The following MYOZ1 variants were observed in gnomAD, a reference collection of about 807,000 sequenced individuals.
The protein encoded by MYOZ1 is myozenin 1, also known as myozenin-1.
A neutral mutation model predicts 28.7 loss-of-function variants in MYOZ1; 20 were observed. That is an observed-to-expected ratio of 0.70 (90% confidence interval 0.49 to 1.01). The LOEUF (loss-of-function observed/expected upper bound fraction) is 1.01. Among genes scored for constraint, MYOZ1 ranks in the 50% least tolerant of loss-of-function variants. The probability of loss-of-function intolerance (pLI) is 0.00; values close to 1 mark genes in which losing one functional copy is unlikely to be tolerated. For missense variants in MYOZ1, 371 were observed against 372.4 expected (o/e 1.00, Z 0.03); for synonymous variants, 144 against 145.8 (o/e 0.99, Z 0.09).
At chr10:73,638,859 T>C (rs1011135117) in intron 2 of MYOZ1, among the ~76,000 whole-genome samples, 14 of 151,172 alleles carry the variant, frequency 9.3e-5, no homozygotes, top group Non-Finnish European at 1.9e-4. Flanking sequence ...AGAGACAGGG[T>C]TTCACCATGT....
chr10:73,635,190 C>T (rs1308869616), intron 3 of MYOZ1, among the ~76,000 whole-genome samples: 1 of 152,030 alleles, frequency 6.6e-6, no homozygotes, highest in African/African-American at 2.4e-5. Flanking sequence ...TCCCAAAGTG[C>T]CGGGATTACA....
At chr10:73,641,155 T>A (rs1055017662) in intron 1 of MYOZ1, among the ~76,000 whole-genome samples, 6 of 152,170 alleles carry the variant, frequency 3.9e-5, no homozygotes, top group Non-Finnish European at 8.8e-5. Context: ...AAAATACATC[T>A]GCAACTCTAC....
At position 73,631,817 on chromosome 10, in the gene MYOZ1, T is replaced by C. The variant is rs952630879; in HGVS notation, c.*113A>G. 2 of 911,180 alleles carry C rather than the reference T, an allele frequency of 2.2e-6. No individual in the cohort carries two copies. The highest frequency in any genetic ancestry group is 3.4e-6 in the Non-Finnish European group (2 of 591,036). 56.4% of individuals were successfully genotyped at this position (911,180 alleles called of 1,614,324 possible). On this transcript the variant is annotated 3_prime_UTR_variant, in exon 6 of 6. Coordinates refer to ENST00000359322, the MANE Select transcript of MYOZ1 (RefSeq NM_021245.4). ...GATGGAAAGGTAGATCTCTCCTTTT[T>C]CCCTCCATTCCCATAAGGATACTGG...
At chr10:73,635,192 G>A (rs951560623) in intron 3 of MYOZ1, among the ~76,000 whole-genome samples, 14 of 152,036 alleles carry the variant, frequency 9.2e-5, no homozygotes, top group Non-Finnish European at 1.5e-4. Flanking sequence ...CCAAAGTGCC[G>A]GGATTACAGG....
intron 3 of MYOZ1, among the ~76,000 whole-genome samples, chr10:73,636,610 C>T (rs1318393648): frequency 3.3e-5 from 5 of 152,112 alleles, no homozygotes; most frequent in Non-Finnish European, 5.9e-5. Flanking sequence ...TGTGCGCCAC[C>T]AGACCCAGCT....
chr10:73,638,867 T>C (rs2081685949), intron 2 of MYOZ1, among the ~76,000 whole-genome samples: 1 of 151,338 alleles, frequency 6.6e-6, no homozygotes, highest in African/African-American at 2.4e-5. Flanking sequence ...GGTTTCACCA[T>C]GTTGGCCGGG....
chr10:73,637,014 C>CTTTTTTT (rs1229338667), intron 3 of MYOZ1, among the ~76,000 whole-genome samples: 2 of 132,646 alleles, frequency 1.5e-5, no homozygotes, highest in African/African-American at 5.6e-5. Context: ...TTTTTTCTTT[C>CTTTTTTT]TTTTTTTTTT....
Position 73,633,891 on chromosome 10 carries a change from C to A in MYOZ1, c.668+9G>T. ...AGAATGCATCTGGTTCCTTCCTCAC[C>A]ACCCCTACCTGTTGAAGGACTTATA... On this transcript the variant is annotated intron_variant, in intron 5 of 5. Transcript: ENST00000359322. The A allele has an allele frequency of 6.3e-7, 1 of 1,595,646 alleles. No individual in the cohort carries two copies. Among genetic ancestry groups the A allele is most frequent in the South Asian group, 1.1e-5 (1 of 88,836 alleles).
At chr10:73,639,359 C>A (rs546957235) in intron 2 of MYOZ1, among the ~76,000 whole-genome samples, 9 of 151,898 alleles carry the variant, frequency 5.9e-5, no homozygotes, top group Admixed American at 1.3e-4. Context: ...TGAGTTCAAG[C>A]GATCCACCAG....
intron 3 of MYOZ1, among the ~76,000 whole-genome samples, chr10:73,636,590 G>A (rs548610025): frequency 1.3e-5 from 2 of 151,926 alleles, no homozygotes; most frequent in African/African-American, 2.4e-5. Flanking sequence ...AGAGTAGCTG[G>A]GATTACAGGT....
chr10:73,637,854 C>T lies in MYOZ1; in HGVS notation c.142G>A (p.Glu48Lys), dbSNP rs370065145. ...ISVPRDVMLE[E>K]LSLLTNRGSK... ...CCCCGGTTGGTAAGCAGCGACAGTT[C>T]CTCCAACATCACATCCCTTGGGACA... Residue 48 changes from glutamate (E) to lysine (K), a missense_variant, in exon 3 of 6, where the codon GAA becomes AAA. Physicochemically the swap from Glu to Lys is moderately conservative, Grantham distance 56 (BLOSUM62 1). Transcript: ENST00000359322. The T allele has an allele frequency of 9.9e-6, 16 of 1,614,106 alleles. No homozygotes were observed. The highest frequency in any genetic ancestry group is 1.3e-5 in the Non-Finnish European group (15 of 1,180,022).
chr10:73,640,231 C>T (rs183565371), intron 1 of MYOZ1, among the ~76,000 whole-genome samples, 196 bp from the exon 2 acceptor site: 1 of 152,218 alleles, frequency 6.6e-6, no homozygotes, highest in South Asian at 2.1e-4. Flanking sequence ...TCACTGCAGC[C>T]TCAACCTCCC....
chr10:73,634,591 T>C lies in MYOZ1; in HGVS notation c.395A>G (p.Gln132Arg), dbSNP rs1321196796. ...GSAGQYGSDQ[Q>R]HHLGSGSGAG... ...TCCAGACCCAGAGCCCAGATGGTGC[T>C]GCTGATCAGAGCCATACTGTCCGGC... The change falls in exon 4 of 6, where the codon CAG (glutamine) becomes CGG (arginine). Residue 132 changes from glutamine to arginine, a missense_variant. Transcript: ENST00000359322. The C allele has an allele frequency of 6.2e-7, 1 of 1,614,176 alleles. No individual in the cohort carries two copies. Among genetic ancestry groups the C allele is most frequent in the East Asian group, 2.2e-5 (1 of 44,870 alleles).
chr10:73,637,987 T>C, intron 2 of MYOZ1, 65 bp from the exon 3 acceptor site: 1 of 1,467,854 alleles, frequency 6.8e-7, no homozygotes, highest in Non-Finnish European at 9.3e-7. Context: ...GGGCTCAGAA[T>C]GCAGACCTCA....
At position 73,631,764 on chromosome 10, in the gene MYOZ1, A is replaced by G. The variant is rs2081636196; in HGVS notation, c.*166T>C. 4.8e-6 allele frequency: 3 copies of G among 624,912 alleles called. No individual in the cohort carries two copies. In the African/African-American group the frequency reaches 5.5e-5, roughly 12 times the overall value. 38.7% of individuals were successfully genotyped at this position (624,912 alleles called of 1,614,324 possible). On this transcript the variant is annotated 3_prime_UTR_variant, in exon 6 of 6. Transcript: ENST00000359322. ...GGGAGCTCTGAGTTGGTGAGGAAGG[A>G]TGCGTGGAGTGGGGACTTGGAGTAA...
intron 3 of MYOZ1, among the ~76,000 whole-genome samples, chr10:73,635,183 C>G (rs1256211352): frequency 6.6e-6 from 1 of 152,098 alleles, no homozygotes; most frequent in East Asian, 1.9e-4. Context: ...CTCGGCCTCC[C>G]AAAGTGCCGG....
chr10:73,637,943 A>G (rs2081677389), intron 2 of MYOZ1, 21 bp from the exon 3 acceptor site: 2 of 1,597,532 alleles, frequency 1.3e-6, no homozygotes, highest in African/African-American at 1.4e-5. Flanking sequence ...GGCAAAGAAG[A>G]AGAATCAAGG....
chr10:73,637,799 C>G lies in MYOZ1; in HGVS notation c.197G>C (p.Arg66Thr). Reference protein sequence around the residue: ...GSKMFKLRQMRVEKFIYENHP... With the variant: ...GSKMFKLRQMTVEKFIYENHP... ...GTTCTCATAAATAAACTTCTCCACC[C>G]TCATCTGCCGCAGTTTGAACATCTT... Residue 66 changes from arginine (R) to threonine (T), a missense_variant, in exon 3 of 6, where the codon AGG becomes ACG. Arg to Thr is a moderately conservative substitution (Grantham distance 71). Coordinates refer to ENST00000359322, the MANE Select transcript of MYOZ1 (RefSeq NM_021245.4). 1 of 1,614,142 alleles carries G rather than the reference C, an allele frequency of 6.2e-7. No individual in the cohort carries two copies. Among genetic ancestry groups the G allele is most frequent in the Non-Finnish European group, 8.5e-7 (1 of 1,180,030 alleles).
intron 3 of MYOZ1, 65 bp downstream of exon 3, chr10:73,637,679 G>A (rs1391808673): frequency 6.8e-7 from 1 of 1,465,456 alleles, no homozygotes; most frequent in Non-Finnish European, 9.3e-7. Flanking sequence ...GGAGGTTCAG[G>A]GCCTACTAAC....
Sources: gnomAD v4.1 joint callset for allele counts (sites outside exome capture counted in the v4.1 genomes callset) on GRCh38, gnomAD v4.1.1 for gene constraint, MANE v1.5 for transcripts, NCBI Gene and HGNC (gene_info 2026-07-23, HGNC 2026-07-21) for gene names.